Variants in GSE1 observed in about 807,000 individuals in gnomAD.
GSE1 encodes the protein genetic suppressor element 1.
In GSE1, 32 loss-of-function variants were observed where a neutral mutation model predicts 112.6. That is an observed-to-expected ratio of 0.28 (90% CI 0.21 to 0.38). GSE1 has a LOEUF of 0.38. Ranked by LOEUF, GSE1 falls within the 10% of genes least tolerant of loss-of-function variation. GSE1 has a pLI of 1.00. For missense variants in GSE1, 2,348 were observed against 1,699.2 expected (o/e 1.38, Z -6.71); for synonymous variants, 1,115 against 735.6 (o/e 1.52, Z -8.35).
intron 2 of GSE1, among the ~76,000 whole-genome samples, chr16:85,481,515 C>T (rs1369575991): frequency 6.6e-6 from 1 of 152,162 alleles, no homozygotes; most frequent in Admixed American, 6.6e-5. Context: ...TTGTGGATGG[C>T]TCCTCTTCCT....
chr16:85,652,725 G>T (rs995323204), intron 3 of GSE1, among the ~76,000 whole-genome samples: 1 of 152,146 alleles, frequency 6.6e-6, no homozygotes, highest in African/African-American at 2.4e-5. Flanking sequence ...GGGGCTGGCG[G>T]GTCAGGGACA....
At chr16:85,354,824 C>T (rs2046919001) in intron 1 of GSE1, among the ~76,000 whole-genome samples, 1 of 152,250 alleles carries the variant, frequency 6.6e-6, no homozygotes, top group Non-Finnish European at 1.5e-5. Flanking sequence ...CTCTCTCTAG[C>T]ATCACCCTGC....
At chr16:85,351,477 G>A (rs193155083) in intron 1 of GSE1, among the ~76,000 whole-genome samples, 5 of 152,190 alleles carry the variant, frequency 3.3e-5, no homozygotes, top group African/African-American at 4.8e-5. Flanking sequence ...GCCAGTCCAC[G>A]GAGACAGAGA....
At chr16:85,279,787 A>G (rs904854992) in intron 1 of GSE1, among the ~76,000 whole-genome samples, 7 of 152,002 alleles carry the variant, frequency 4.6e-5, no homozygotes, top group Admixed American at 2.0e-4. Flanking sequence ...CTCTGTCTTC[A>G]CTTGAATTCT....
rs561678988 is a variant in GSE1 at position 85,485,704 on chromosome 16, G to A, written c.2464+128061G>A. ...CGCGAGGTGGGCGCCGAGGCGGCCGGCTGTGCATCAGTGTGCCCGTAATTG... is the reference window on the plus strand; with the variant it reads ...CGCGAGGTGGGCGCCGAGGCGGCCGACTGTGCATCAGTGTGCCCGTAATTG... On this transcript the variant is annotated intron_variant, in intron 2 of 2. Coordinates refer to the GSE1 transcript ENST00000637419. Among the ~76,000 whole-genome samples, 4 of 152,360 alleles carry A rather than the reference G, an allele frequency of 2.6e-5. No homozygotes were observed. In the South Asian group the frequency reaches 8.3e-4, roughly 32 times the overall value.
chr16:85,660,435 G>C (rs1008836596), intron 8 of GSE1, among the ~76,000 whole-genome samples: 3 of 152,090 alleles, frequency 2.0e-5, no homozygotes, highest in African/African-American at 7.2e-5. Context: ...TCAGGAATTC[G>C]AGAGCAGTCT....
intron 1 of GSE1, among the ~76,000 whole-genome samples, chr16:85,250,050 G>A (rs956291569): frequency 1.3e-5 from 2 of 152,222 alleles, no homozygotes; most frequent in Admixed American, 1.3e-4. Flanking sequence ...AGCAGCATCC[G>A]CCTGGCTCCT....
chr16:85,571,877 G>A (rs1466335743), intron 1 of GSE1, among the ~76,000 whole-genome samples: 3 of 152,158 alleles, frequency 2.0e-5, no homozygotes, highest in Non-Finnish European at 4.4e-5. Context: ...AAATGGGGAA[G>A]TGAGTTGGGC....
chr16:85,669,216 A>G (rs186778304), intron 14 of GSE1, among the ~76,000 whole-genome samples: 1 of 152,324 alleles, frequency 6.6e-6, no homozygotes, highest in Admixed American at 6.5e-5. Context: ...CACCATCCTT[A>G]CTGCGTGGGC....
chr16:85,597,763 G>A (rs986275391), intron 1 of GSE1, among the ~76,000 whole-genome samples: 6 of 152,334 alleles, frequency 3.9e-5, no homozygotes, highest in African/African-American at 1.4e-4. Flanking sequence ...GATCCACTGC[G>A]CCTGGCTGGA....
intron 2 of GSE1, among the ~76,000 whole-genome samples, chr16:85,519,624 A>AT (rs2052101469): frequency 6.6e-6 from 1 of 151,694 alleles, no homozygotes; most frequent in Non-Finnish European, 1.5e-5. Flanking sequence ...CATCACCACC[A>AT]CCATCACCAG....
At chr16:85,195,564 C>G (rs1158753159) in intron 1 of GSE1, among the ~76,000 whole-genome samples, 5 of 152,196 alleles carry the variant, frequency 3.3e-5, no homozygotes, top group African/African-American at 4.8e-5. Context: ...TTTGTCAAAT[C>G]CGCCTTCTTC....
intron 1 of GSE1, among the ~76,000 whole-genome samples, chr16:85,558,407 A>AC: frequency 6.6e-6 from 1 of 151,792 alleles, no homozygotes; most frequent in East Asian, 1.9e-4. Flanking sequence ...TGTAATCTAC[A>AC]CCCCTCTTCA....
In GSE1 at chr16:85,420,095, T is replaced by C. The variant is rs1292658592; in HGVS notation, c.2464+62452T>C. 2.4e-5 allele frequency among the ~76,000 whole-genome samples: 3 copies of C among 126,658 alleles called. No homozygotes were observed. The East Asian group carries it at 9.4e-4, about 40-fold the overall frequency. The allele number at this position is 126,658 out of a possible 152,430, so 83.1% of individuals were successfully genotyped here. A position where few individuals can be genotyped will look rare whatever the true frequency, so the allele number is the denominator to read the frequency against. ...GGGTGCCCTGGCAGACACTGAGCAG[T>C]GTGCTCAGGCCAGACGGGTGGTGGC... On this transcript the variant is annotated intron_variant, in intron 2 of 2. Coordinates refer to the GSE1 transcript ENST00000637419.
chr16:85,466,686 AG>A (rs2050131302), intron 2 of GSE1, among the ~76,000 whole-genome samples: 1 of 145,984 alleles, frequency 6.9e-6, no homozygotes. Flanking sequence ...AAAAAAAAAA[AG>A]AAATATATAT....
In GSE1 at chr16:85,638,177, C is replaced by G. The variant is rs145971607; in HGVS notation, c.226+4045C>G. ...CTGCGATTGCCTCCGCGTCTCTCCTCTCATTGTGTCTCAAGGGTGTAGTTT... is the reference window on the plus strand; with the variant it reads ...CTGCGATTGCCTCCGCGTCTCTCCTGTCATTGTGTCTCAAGGGTGTAGTTT... On this transcript the variant is annotated intron_variant, in intron 2 of 15. Transcript: ENST00000253458. 5.7e-3 allele frequency among the ~76,000 whole-genome samples: 876 copies of G among 152,374 alleles called. 5 individuals carry two copies. The highest frequency in any genetic ancestry group is 0.016 in the South Asian group (77 of 4,830).
intron 1 of GSE1, among the ~76,000 whole-genome samples, chr16:85,622,363 A>G (rs546844853): frequency 6.6e-6 from 1 of 151,732 alleles, no homozygotes; most frequent in Non-Finnish European, 1.5e-5. Context: ...TAGAACGTGG[A>G]TGGTTCTGGG....
At chr16:85,335,935 G>C (rs2046472941) in intron 1 of GSE1, among the ~76,000 whole-genome samples, 2 of 152,210 alleles carry the variant, frequency 1.3e-5, no homozygotes, top group Admixed American at 1.3e-4. Context: ...CTGACCGGCT[G>C]GCCTGAGTGG....
In GSE1 at chr16:85,244,865, C is replaced by T. The variant is rs567307389; in HGVS notation, c.2283+73058C>T. Among the ~76,000 whole-genome samples the T allele has an allele frequency of 2.5e-3, 379 of 152,152 alleles. 3 individuals are homozygous for T. The highest frequency in any genetic ancestry group is 8.7e-3 in the African/African-American group (362 of 41,500). On this transcript the variant is annotated intron_variant, in intron 1 of 2. Transcript: ENST00000637419. ...AATTAGCCGTGCGTGATGGCACATG[C>T]CTGTAGTCCCAGCTACTCAAGAGGC...
Sources: gnomAD v4.1 joint callset for allele counts (sites outside exome capture counted in the v4.1 genomes callset) on GRCh38, gnomAD v4.1.1 for gene constraint, MANE v1.5 for transcripts, NCBI Gene and HGNC (gene_info 2026-07-23, HGNC 2026-07-21) for gene names.